Variants in UGT2A1 observed in about 807,000 individuals in gnomAD.
The protein encoded by UGT2A1 is UDP-glucuronosyltransferase 2A1.
A neutral mutation model predicts 45.4 loss-of-function variants in UGT2A1; 61 were observed. The ratio of observed to expected loss-of-function variants is 1.34; its 90% CI spans 1.09 to 1.66. UGT2A1 has a LOEUF of 1.66. Among genes scored for constraint, UGT2A1 ranks in the 40% most tolerant of loss-of-function variants. UGT2A1 has a pLI of 0.00. For synonymous variants in UGT2A1, 229 were observed against 196.2 expected, an observed-to-expected ratio of 1.17 and a Z score of -1.40; for missense variants, 649 against 574.3, an observed-to-expected ratio of 1.13 and a Z score of -1.33.
chr4:69,624,814 G>C (rs1293408087), intron 3 of UGT2A1, among the ~76,000 whole-genome samples: 1 of 151,194 alleles, frequency 6.6e-6, no homozygotes, highest in Non-Finnish European at 1.5e-5. Flanking sequence ...GTTTTAAGCA[G>C]TCATTTAACC....
At chr4:69,609,335 C>T (rs1044952885) in intron 3 of UGT2A1, among the ~76,000 whole-genome samples, 1 of 151,542 alleles carries the variant, frequency 6.6e-6, no homozygotes, top group African/African-American at 2.4e-5. Context: ...CTTTTCTTTT[C>T]TACTATTTTT....
At chr4:69,607,702 T>G (rs1261768117) in intron 3 of UGT2A1, among the ~76,000 whole-genome samples, 8 of 151,956 alleles carry the variant, frequency 5.3e-5, no homozygotes, top group Non-Finnish European at 8.8e-5. Flanking sequence ...GAATCTACAA[T>G]GAACTCAAAC....
At chr4:69,611,668 G>C (rs1005359142) in intron 3 of UGT2A1, among the ~76,000 whole-genome samples, 2 of 151,940 alleles carry the variant, frequency 1.3e-5, no homozygotes, top group Non-Finnish European at 2.9e-5. Context: ...CATTAGGCTG[G>C]GTTAAATATA....
chr4:69,645,539 C>A (rs1209080014), intron 2 of UGT2A1, among the ~76,000 whole-genome samples: 3 of 151,650 alleles, frequency 2.0e-5, no homozygotes, highest in Non-Finnish European at 4.4e-5. Flanking sequence ...TCTCATACTG[C>A]ATTATTTTCC....
At position 69,589,417 on chromosome 4, in the gene UGT2A1, G is replaced by C. The variant is rs1560463257; in HGVS notation, c.1539C>G (p.Ser513=). The change falls in exon 7 of 7, where the codon TCC becomes TCG. Residue 513 remains serine (S), a synonymous_variant. Transcript: ENST00000286604. The stretch of plus-strand genomic sequence containing the variant: ...TTCCTATCTTACCAAATTTTTGACA[G>C]GAAAACAAACAACATTGTATGACCA... The part of the protein sequence containing the change: ...IFLVIQCCLF[S]CQKFGKIGKK... 1.9e-6 allele frequency: 3 copies of C among 1,612,830 alleles called. No homozygotes were observed. The highest frequency in any genetic ancestry group is 1.3e-5 in the African/African-American group (1 of 74,770).
intron 3 of UGT2A1, among the ~76,000 whole-genome samples, chr4:69,616,833 CTT>C (rs4148315): frequency 0.28 from 35,242 of 127,088 alleles, 3,925 homozygotes; most frequent in Middle Eastern, 0.3. Flanking sequence ...ATTTTCTTTT[CTT>C]TTTTTTTTTT....
chr4:69,605,459 G>A (rs1441576089), intron 3 of UGT2A1, among the ~76,000 whole-genome samples: 1 of 136,356 alleles, frequency 7.3e-6, no homozygotes, highest in Non-Finnish European at 1.6e-5. Context: ...AATGCCCACA[G>A]AACAGAGCAG....
At chr4:69,626,988 A>G (rs115345180) in intron 3 of UGT2A1, among the ~76,000 whole-genome samples, 4,558 of 151,852 alleles carry the variant, frequency 0.03, 102 homozygotes, top group Middle Eastern at 0.072. Flanking sequence ...TTAAAATTAA[A>G]CACTTCTCCA....
chr4:69,631,008 C>T (rs1165687575), intron 3 of UGT2A1, among the ~76,000 whole-genome samples: 2 of 152,092 alleles, frequency 1.3e-5, no homozygotes, highest in African/African-American at 4.8e-5. Flanking sequence ...TAGGATGTCC[C>T]AGCTCTCTAG....
At chr4:69,592,924 C>T (rs895650975) in intron 6 of UGT2A1, among the ~76,000 whole-genome samples, 2 of 152,106 alleles carry the variant, frequency 1.3e-5, no homozygotes, top group East Asian at 1.9e-4. Flanking sequence ...TAAGAATACA[C>T]CATAACTGAG....
At chr4:69,629,962 AT>A (rs1721295075) in intron 3 of UGT2A1, among the ~76,000 whole-genome samples, 1 of 152,134 alleles carries the variant, frequency 6.6e-6, no homozygotes, top group African/African-American at 2.4e-5. Context: ...TTTGTAAAAT[AT>A]TTTTTCCTTA....
At chr4:69,622,998 G>A (rs1167484334) in intron 3 of UGT2A1, among the ~76,000 whole-genome samples, 2 of 151,768 alleles carry the variant, frequency 1.3e-5, no homozygotes, top group Non-Finnish European at 2.9e-5. Flanking sequence ...TGTCATGGGT[G>A]TGTTCTACTT....
chr4:69,642,229 A>G (rs892435726), intron 2 of UGT2A1, among the ~76,000 whole-genome samples: 17 of 151,834 alleles, frequency 1.1e-4, no homozygotes, highest in Non-Finnish European at 1.3e-4. Context: ...AGATAGAGTG[A>G]TCACTATCTC....
At chr4:69,608,428 G>T in intron 3 of UGT2A1, among the ~76,000 whole-genome samples, 1 of 136,214 alleles carries the variant, frequency 7.3e-6, no homozygotes. Context: ...TGTGGGGTGG[G>T]GGGAGGGGGG....
Position 69,652,173 on chromosome 4 carries a change from G to A in UGT2A1, c.-55+1015C>T, listed in dbSNP as rs1722555498. Among the ~76,000 whole-genome samples the A allele has an allele frequency of 5.1e-5, 5 of 97,160 alleles. No homozygotes were observed. The South Asian group carries it at 2.4e-3, about 47-fold the overall frequency. 63.7% of individuals were successfully genotyped at this position (97,160 alleles called of 152,430 possible). ...AGGATTCGCCACTGATAACTCAGAT[G>A]CCTTCTACTGGTTAACAACTGCATA... On this transcript the variant is annotated intron_variant, in intron 1 of 6. Transcript: ENST00000286604.
intron 2 of UGT2A1, chr4:69,639,145 C>G (rs376466990): frequency 3.1e-6 from 5 of 1,613,496 alleles, no homozygotes; most frequent in Non-Finnish European, 4.2e-6. Flanking sequence ...GCAACAAGAT[C>G]ACCACAGATT....
chr4:69,631,173 G>T (rs1721361753), intron 3 of UGT2A1, among the ~76,000 whole-genome samples: 1 of 152,100 alleles, frequency 6.6e-6, no homozygotes, highest in African/African-American at 2.4e-5. Flanking sequence ...AAAGCAGAGA[G>T]CTAGGGCTTG....
intron 4 of UGT2A1, chr4:69,596,105 T>C: frequency 3.3e-6 from 4 of 1,202,048 alleles, no homozygotes; most frequent in Non-Finnish European, 4.2e-6. Context: ...ACAATTTTAA[T>C]ATATTACACA....
intron 3 of UGT2A1, among the ~76,000 whole-genome samples, chr4:69,631,209 C>A (rs1721363109): frequency 6.6e-6 from 1 of 151,974 alleles, no homozygotes; most frequent in Admixed American, 6.6e-5. Flanking sequence ...CACAAAGATA[C>A]CTATACTGTT....
Sources: allele counts gnomAD v4.1 joint callset (sites outside exome capture counted in the v4.1 genomes callset), GRCh38; gene constraint gnomAD v4.1.1; transcripts MANE v1.5; gene names NCBI Gene and HGNC (gene_info 2026-07-23, HGNC 2026-07-21).